CACNA2D3: variants seen among roughly 807,000 people sequenced by gnomAD.
CACNA2D3 encodes the protein voltage-dependent calcium channel subunit alpha-2/delta-3.
CACNA2D3 carries 60 observed loss-of-function variants against 160.6 expected under a neutral mutation model. That is an observed-to-expected ratio of 0.37 (90% confidence interval 0.30 to 0.46). CACNA2D3 has a LOEUF of 0.46. Among genes scored for constraint, CACNA2D3 ranks in the 20% least tolerant of loss-of-function variants. CACNA2D3 has a pLI of 1.00. For missense variants in CACNA2D3, 1,205 were observed against 1,365.0 expected (o/e 0.88, Z 1.85); for synonymous variants, 558 against 492.9 (o/e 1.13, Z -1.75).
At chr3:54,605,993 G>A (rs1265785826) in intron 9 of CACNA2D3, among the ~76,000 whole-genome samples, 1 of 152,148 alleles carries the variant, frequency 6.6e-6, no homozygotes, top group Non-Finnish European at 1.5e-5. Context: ...TCTGAGATGA[G>A]TACAGAGTCT....
At chr3:54,263,041 G>A (rs1168396586) in intron 2 of CACNA2D3, among the ~76,000 whole-genome samples, 1 of 152,138 alleles carries the variant, frequency 6.6e-6, no homozygotes, top group Non-Finnish European at 1.5e-5. Flanking sequence ...GAGAAATTTT[G>A]TTATACTTCC....
intron 13 of CACNA2D3, among the ~76,000 whole-genome samples, chr3:54,813,663 G>C (rs1703383474): frequency 6.6e-6 from 1 of 151,944 alleles, no homozygotes; most frequent in South Asian, 2.1e-4. Context: ...ACCAGTCACA[G>C]GTTAGAGGAC....
intron 2 of CACNA2D3, among the ~76,000 whole-genome samples, chr3:54,297,008 T>C (rs1703357823): frequency 6.6e-6 from 1 of 152,270 alleles, no homozygotes; most frequent in Admixed American, 6.5e-5. Flanking sequence ...CTAGCGCTTT[T>C]GATCCAGGTC....
At chr3:54,360,877 C>T (rs1034606059) in intron 3 of CACNA2D3, among the ~76,000 whole-genome samples, 2 of 152,022 alleles carry the variant, frequency 1.3e-5, no homozygotes, top group Non-Finnish European at 2.9e-5. Context: ...TGCCTAACAC[C>T]CAGAATGTGT....
chr3:54,750,372 A>G (rs1464528163), intron 11 of CACNA2D3, among the ~76,000 whole-genome samples: 1 of 152,154 alleles, frequency 6.6e-6, no homozygotes, highest in Non-Finnish European at 1.5e-5. Flanking sequence ...TTGTCGGTCT[A>G]GTGTTTCCCC....
At chr3:54,580,559 C>G (rs941108226) in intron 8 of CACNA2D3, among the ~76,000 whole-genome samples, 5 of 152,092 alleles carry the variant, frequency 3.3e-5, no homozygotes, top group Non-Finnish European at 7.4e-5. Flanking sequence ...TCAGGAGCTC[C>G]GGGCCTCTTT....
At chr3:55,013,462 A>C (rs1286851423) in intron 34 of CACNA2D3, among the ~76,000 whole-genome samples, 1 of 152,230 alleles carries the variant, frequency 6.6e-6, no homozygotes, top group African/African-American at 2.4e-5. Context: ...GGTTGCTGTC[A>C]TTGGGATATC....
chr3:54,325,406 G>C (rs1299095636), intron 3 of CACNA2D3, among the ~76,000 whole-genome samples: 1 of 152,178 alleles, frequency 6.6e-6, no homozygotes, highest in African/African-American at 2.4e-5. Flanking sequence ...ATATTCTCTA[G>C]GATGGTTTTC....
intron 14 of CACNA2D3, among the ~76,000 whole-genome samples, chr3:54,823,981 C>G (rs1214713404): frequency 1.3e-5 from 2 of 152,092 alleles, no homozygotes; most frequent in Non-Finnish European, 2.9e-5. Flanking sequence ...AAATAGACTA[C>G]CAAGAGTTAA....
chr3:54,584,069 A>G (rs1432218682), intron 9 of CACNA2D3, among the ~76,000 whole-genome samples: 1 of 152,194 alleles, frequency 6.6e-6, no homozygotes, highest in African/African-American at 2.4e-5. Context: ...TGCCCCATGC[A>G]TACCCCCTTG....
intron 5 of CACNA2D3, among the ~76,000 whole-genome samples, chr3:54,526,709 G>A (rs1701728682): frequency 1.3e-5 from 2 of 152,016 alleles, no homozygotes; most frequent in Admixed American, 6.6e-5. Flanking sequence ...TTGTTTTTTC[G>A]AGATGGAGTC....
intron 27 of CACNA2D3, among the ~76,000 whole-genome samples, chr3:54,966,084 AG>A (rs1702143075): frequency 6.6e-6 from 1 of 152,110 alleles, no homozygotes; most frequent in African/African-American, 2.4e-5. Flanking sequence ...AGCGGGGAGC[AG>A]CTGGCTTCAT....
At chr3:54,338,302 A>G (rs1704436508) in intron 3 of CACNA2D3, among the ~76,000 whole-genome samples, 1 of 152,244 alleles carries the variant, frequency 6.6e-6, no homozygotes, top group Non-Finnish European at 1.5e-5. Flanking sequence ...AAAGGAAAAT[A>G]TGAACTCTAA....
chr3:54,838,108 G>A (rs755450050), intron 15 of CACNA2D3, among the ~76,000 whole-genome samples: 1 of 152,140 alleles, frequency 6.6e-6, no homozygotes, highest in Non-Finnish European at 1.5e-5. Context: ...AAGTGTTAGG[G>A]TTATTATATA....
At chr3:54,827,657 A>G (rs969493387) in intron 14 of CACNA2D3, among the ~76,000 whole-genome samples, 4 of 152,166 alleles carry the variant, frequency 2.6e-5, no homozygotes, top group African/African-American at 9.7e-5. Context: ...ATACACAAAG[A>G]TATTCAGTGA....
chr3:54,455,863 T>C lies in CACNA2D3; in HGVS notation c.382-47629T>C, dbSNP rs185685966. Among the ~76,000 whole-genome samples, 110 of 152,280 alleles carry C rather than the reference T, an allele frequency of 7.2e-4. 1 individual carries two copies. In the East Asian group the frequency reaches 0.012, roughly 16 times the overall value. On this transcript the variant is annotated intron_variant, in intron 4 of 37. Coordinates refer to ENST00000474759, the MANE Select transcript of CACNA2D3 (RefSeq NM_018398.3). ...TCGCTAGTGAATGTTGTTGGCACCT[T>C]TGTGGGAAATCAGCTGGCTCCATAT...
At chr3:54,692,575 C>T (rs1038074417) in intron 11 of CACNA2D3, among the ~76,000 whole-genome samples, 1 of 152,178 alleles carries the variant, frequency 6.6e-6, no homozygotes, top group Admixed American at 6.5e-5. Context: ...TGGTGACCCT[C>T]AGGACACTAG....
intron 9 of CACNA2D3, among the ~76,000 whole-genome samples, chr3:54,586,457 C>T (rs999534690): frequency 6.6e-6 from 1 of 152,124 alleles, no homozygotes; most frequent in Non-Finnish European, 1.5e-5. Flanking sequence ...ATAAAAGGAT[C>T]ACTTGCATAG....
At chr3:54,986,289 G>C (rs1702611472) in intron 30 of CACNA2D3, among the ~76,000 whole-genome samples, 1 of 152,114 alleles carries the variant, frequency 6.6e-6, no homozygotes, top group Non-Finnish European at 1.5e-5. Context: ...TGTCTCCATG[G>C]AATAAGCCTG....
Sources: gnomAD v4.1 joint callset for allele counts (sites outside exome capture counted in the v4.1 genomes callset) on GRCh38, gnomAD v4.1.1 for gene constraint, MANE v1.5 for transcripts, NCBI Gene and HGNC (gene_info 2026-07-23, HGNC 2026-07-21) for gene names.